The following TRAPPC9 variants were observed in gnomAD, a reference collection of about 807,000 sequenced individuals.
TRAPPC9 encodes trafficking protein particle complex subunit 9, also known as IKK2 binding protein.
Under a neutral mutation model 124.0 loss-of-function variants are expected in TRAPPC9, and 83 were observed. That is an observed-to-expected ratio of 0.67 (90% CI 0.56 to 0.80). TRAPPC9 has a LOEUF of 0.80. TRAPPC9 is among the 30% of genes least tolerant of loss of function. The probability of loss-of-function intolerance (pLI) is 0.00; values close to 1 mark genes in which losing one functional copy is unlikely to be tolerated. For synonymous variants in TRAPPC9, 638 were observed against 617.5 expected (o/e 1.03, Z -0.49); for missense variants, 1,302 against 1,508.3 (o/e 0.86, Z 2.27).
chr8:140,084,654 C>T (rs967278807), intron 17 of TRAPPC9, among the ~76,000 whole-genome samples: 4 of 152,238 alleles, frequency 2.6e-5, no homozygotes, highest in African/African-American at 9.6e-5. Context: ...GACAGGCAGG[C>T]CCAGGACTGT....
intron 17 of TRAPPC9, among the ~76,000 whole-genome samples, chr8:140,211,773 G>GGA (rs1040476325): frequency 2.6e-5 from 4 of 152,200 alleles, no homozygotes; most frequent in African/African-American, 9.7e-5. Context: ...GCAACCCCAT[G>GGA]GAGAGGGGCT....
intron 4 of TRAPPC9, among the ~76,000 whole-genome samples, chr8:140,426,923 CTT>C (rs376753987): frequency 1.4e-5 from 2 of 143,912 alleles, no homozygotes; most frequent in East Asian, 2.0e-4. Context: ...GCTCCCAGTT[CTT>C]TTTTTTTTTT....
At chr8:139,906,470 T>C (rs998599826) in intron 20 of TRAPPC9, among the ~76,000 whole-genome samples, 40 of 151,578 alleles carry the variant, frequency 2.6e-4, no homozygotes, top group African/African-American at 8.7e-4. Flanking sequence ...ACACGTGGGG[T>C]CTGAGGGAGG....
intron 17 of TRAPPC9, among the ~76,000 whole-genome samples, chr8:140,209,113 G>C (rs544307421): frequency 6.6e-6 from 1 of 152,310 alleles, no homozygotes; most frequent in South Asian, 2.1e-4. Flanking sequence ...AAGGGGCCCC[G>C]TGGACACACT....
rs1430909590 is a variant in TRAPPC9, at chr8:140,182,297, G to T, written c.2556+39162C>A. ...AAGCCTGCCTTTCCCTAAGACCTTG[G>T]TCTATTCAACTGTTTTCTACATATT... is the stretch of plus-strand genomic sequence containing the variant. On this transcript the variant is annotated intron_variant, in intron 17 of 22. Coordinates refer to ENST00000438773, the MANE Select transcript of TRAPPC9 (RefSeq NM_001160372.4). The surrounding 1 kb of genome is among the most constrained non-coding windows in gnomAD (Gnocchi z 4.0). Among the ~76,000 whole-genome samples the T allele has an allele frequency of 6.6e-6, 1 of 151,352 alleles. No individual in the cohort carries two copies. The highest frequency in any genetic ancestry group is 1.5e-5 in the Non-Finnish European group (1 of 67,922).
intron 21 of TRAPPC9, among the ~76,000 whole-genome samples, chr8:139,733,000 G>A (rs1420043434): frequency 2.6e-5 from 4 of 151,478 alleles, no homozygotes; most frequent in Admixed American, 6.6e-5. Flanking sequence ...GGGTGGGGGC[G>A]GAGAGAGTGT....
At chr8:139,747,547 G>A (rs1259799012) in intron 21 of TRAPPC9, among the ~76,000 whole-genome samples, 1 of 109,112 alleles carries the variant, frequency 9.2e-6, no homozygotes, top group Non-Finnish European at 1.9e-5. Context: ...AGAGCAGGTA[G>A]GGGGGGCGTA....
At chr8:140,307,622 C>T (rs1377252068) in intron 10 of TRAPPC9, among the ~76,000 whole-genome samples, 1 of 152,176 alleles carries the variant, frequency 6.6e-6, no homozygotes, top group East Asian at 1.9e-4. Context: ...CTCCATTCCC[C>T]ACCTATATCA....
intron 17 of TRAPPC9, among the ~76,000 whole-genome samples, chr8:140,217,909 G>A (rs2063234689): frequency 1.3e-5 from 2 of 152,014 alleles, no homozygotes; most frequent in African/African-American, 4.8e-5. Flanking sequence ...CCCAGCTACT[G>A]CAGAGGCTGA....
At chr8:140,283,584 C>G (rs1045588477) in intron 14 of TRAPPC9, among the ~76,000 whole-genome samples, 44 of 151,916 alleles carry the variant, frequency 2.9e-4, no homozygotes, top group Non-Finnish European at 5.7e-4. Flanking sequence ...ATGTGAGCCA[C>G]CGCGCCAGGC....
At chr8:140,194,079 C>G (rs924579705) in intron 17 of TRAPPC9, among the ~76,000 whole-genome samples, 10 of 152,196 alleles carry the variant, frequency 6.6e-5, no homozygotes, top group African/African-American at 1.9e-4. Flanking sequence ...CAGGGTTGAA[C>G]TCTCTGAAAA....
intron 21 of TRAPPC9, among the ~76,000 whole-genome samples, chr8:139,782,216 C>G (rs754429458): frequency 3.9e-5 from 6 of 151,962 alleles, no homozygotes; most frequent in Non-Finnish European, 7.4e-5. Context: ...CCTGACTCTA[C>G]TAAAAATATA....
intron 7 of TRAPPC9, among the ~76,000 whole-genome samples, chr8:140,380,717 A>T (rs2068580884): frequency 6.6e-6 from 1 of 151,866 alleles, no homozygotes; most frequent in African/African-American, 2.4e-5. Context: ...GATGAACAAA[A>T]ATTAACTCAA....
In TRAPPC9 at chr8:139,882,801, G is replaced by C. The variant is rs1434748179; in HGVS notation, c.3055+3078C>G. Among the ~76,000 whole-genome samples the C allele has an allele frequency of 2.0e-5, 3 of 152,218 alleles. No individual in the cohort carries two copies. In the East Asian group the frequency reaches 5.8e-4, roughly 29 times the overall value. On this transcript the variant is annotated intron_variant, in intron 21 of 22. Coordinates refer to ENST00000438773, the MANE Select transcript of TRAPPC9 (RefSeq NM_001160372.4). The stretch of plus-strand genomic sequence containing the variant: ...AGCAGGCATCATCCCATTCCATAAA[G>C]GAAGAAACTCAGGCTCAAAGAGGTG...
intron 21 of TRAPPC9, among the ~76,000 whole-genome samples, chr8:139,827,645 A>T (rs566639593): frequency 2.0e-5 from 3 of 152,328 alleles, no homozygotes; most frequent in Non-Finnish European, 4.4e-5. Flanking sequence ...CTGATAAGTG[A>T]ATGGAGGCTC....
At position 140,252,021 on chromosome 8, in the gene TRAPPC9, A is replaced by G. The variant is rs533980348; in HGVS notation, c.2431+756T>C. Among the ~76,000 whole-genome samples the G allele has an allele frequency of 6.6e-6, 1 of 151,148 alleles. No homozygotes were observed. Among genetic ancestry groups the G allele is most frequent in the Non-Finnish European group, 1.5e-5 (1 of 67,700 alleles). On this transcript the variant is annotated intron_variant, in intron 16 of 22. Coordinates refer to ENST00000438773, the MANE Select transcript of TRAPPC9 (RefSeq NM_001160372.4). This position sits in a 1 kb window ranked among gnomAD's most constrained non-coding sequence, Gnocchi z 4.2. ...CTTCATAATTTGGCATAATTAATTT[A>G]TGAAATCTTTTTTTTTTTTTTGAGA...
chr8:140,115,118 A>G (rs937865985), intron 17 of TRAPPC9, among the ~76,000 whole-genome samples: 1 of 152,196 alleles, frequency 6.6e-6, no homozygotes, highest in Non-Finnish European at 1.5e-5. Flanking sequence ...GGAACCCCAC[A>G]GACACCGAAA....
At chr8:139,793,556 G>C (rs1348884789) in intron 21 of TRAPPC9, among the ~76,000 whole-genome samples, 1 of 152,194 alleles carries the variant, frequency 6.6e-6, no homozygotes, top group Non-Finnish European at 1.5e-5. Context: ...ACCTGTTTGT[G>C]CCACCATGGA....
chr8:140,283,876 TC>T lies in TRAPPC9; in HGVS notation c.2114+12del. 6.2e-7 allele frequency: 1 copy of T among 1,613,268 alleles called. No individual in the cohort carries two copies. Among genetic ancestry groups the T allele is most frequent in the Non-Finnish European group, 8.5e-7 (1 of 1,179,808 alleles). ...TCAGAGCCACTCTGCTCTGTGACCC[TC>T]GTGCACACTACCTGGGCAGAGAGGT... On this transcript the variant is annotated intron_variant, in intron 14 of 22. Coordinates refer to ENST00000438773, the MANE Select transcript of TRAPPC9 (RefSeq NM_001160372.4).
Sources: allele counts gnomAD v4.1 joint callset (sites outside exome capture counted in the v4.1 genomes callset), GRCh38; gene constraint gnomAD v4.1.1; non-coding constraint Gnocchi (gnomAD v3.1); transcripts MANE v1.5; gene names NCBI Gene and HGNC (gene_info 2026-07-23, HGNC 2026-07-21).